The following ZSCAN5A variants were observed in gnomAD, a reference collection of about 807,000 sequenced individuals.
ZSCAN5A encodes zinc finger and SCAN domain containing 5A, also known as zinc finger and SCAN domain-containing protein 5A.
A neutral mutation model predicts 23.7 loss-of-function variants in ZSCAN5A; 12 were observed. The ratio of observed to expected loss-of-function variants is 0.51; its 90% CI spans 0.32 to 0.82. The LOEUF (loss-of-function observed/expected upper bound fraction) is 0.82. Among genes scored for constraint, ZSCAN5A ranks in the 40% least tolerant of loss-of-function variants. The pLI, the probability that ZSCAN5A is intolerant of heterozygous loss-of-function variation, is 0.03. For synonymous variants in ZSCAN5A, 257 were observed against 239.9 expected, an observed-to-expected ratio of 1.07 and a Z score of -0.66; for missense variants, 597 against 617.9, an observed-to-expected ratio of 0.97 and a Z score of 0.36.
intron 2 of ZSCAN5A, among the ~76,000 whole-genome samples, chr19:56,332,672 A>G (rs902502020): frequency 2.0e-5 from 3 of 152,174 alleles, no homozygotes; most frequent in African/African-American, 7.2e-5. Flanking sequence ...GTTAATAGTG[A>G]TATGTGAGGT....
intron 2 of ZSCAN5A, among the ~76,000 whole-genome samples, chr19:56,361,124 C>G (rs751621367): frequency 1.3e-5 from 2 of 152,070 alleles, no homozygotes; most frequent in Admixed American, 6.6e-5. Context: ...CCAATGATCA[C>G]TGGAGAAATG....
rs549348111 is a variant in ZSCAN5A at position 56,279,494 on chromosome 19, T to C, written c.-128+33789A>G. On this transcript the variant is annotated intron_variant, in intron 2 of 5. Transcript: ENST00000683990. The stretch of plus-strand genomic sequence containing the variant: ...TGAAAGGAGATAAAAGGATCCAATA[T>C]TAATTAAGCATTTAGCATGTACTGA... Among the ~76,000 whole-genome samples the C allele has an allele frequency of 8.5e-5, 13 of 152,312 alleles. No individual in the cohort carries two copies. The South Asian group carries it at 2.5e-3, about 29-fold the overall frequency.
intron 2 of ZSCAN5A, among the ~76,000 whole-genome samples, chr19:56,311,462 T>C (rs2147373762): frequency 6.6e-6 from 1 of 152,280 alleles, no homozygotes; most frequent in Non-Finnish European, 1.5e-5. Flanking sequence ...TAGCTCTGGG[T>C]AGTCACACAA....
At position 56,296,587 on chromosome 19, in the gene ZSCAN5A, C is replaced by T. The variant is rs1266218526; in HGVS notation, c.-128+16696G>A. The stretch of plus-strand genomic sequence containing the variant: ...GTTATTCTAGGTGTTAGAGATGCAG[C>T]AGAGGATAAAACAGACAGAAGTCTG... On this transcript the variant is annotated intron_variant, in intron 2 of 5. Transcript: ENST00000683990. Among the ~76,000 whole-genome samples, 4 of 152,022 alleles carry T rather than the reference C, an allele frequency of 2.6e-5. No homozygotes were observed. The East Asian group carries it at 7.7e-4, about 29-fold the overall frequency.
chr19:56,318,678 A>G (rs996076696), upstream of ZSCAN5A, among the ~76,000 whole-genome samples: 19 of 152,292 alleles, frequency 1.2e-4, no homozygotes, highest in South Asian at 1.9e-3. Flanking sequence ...AATAAAATCA[A>G]TGATAACACC....
At chr19:56,232,855 A>G (rs978336223) in intron 2 of ZSCAN5A, among the ~76,000 whole-genome samples, 3 of 151,622 alleles carry the variant, frequency 2.0e-5, no homozygotes, top group African/African-American at 7.3e-5. Flanking sequence ...ATTGTTTTGT[A>G]TGTTTTTGTA....
At chr19:56,292,816 C>T (rs1224771743) in intron 2 of ZSCAN5A, among the ~76,000 whole-genome samples, 2 of 152,196 alleles carry the variant, frequency 1.3e-5, no homozygotes, top group African/African-American at 4.8e-5. Flanking sequence ...GAATCGTACA[C>T]GATGTGGTCT....
At chr19:56,357,311 G>GC (rs2041705786) in intron 2 of ZSCAN5A, among the ~76,000 whole-genome samples, 1 of 148,390 alleles carries the variant, frequency 6.7e-6, no homozygotes, top group Non-Finnish European at 1.5e-5. Context: ...GCGAAGCCCA[G>GC]CCCTCAGCCA....
At chr19:56,323,728 G>A (rs1306871896) in intron 2 of ZSCAN5A, among the ~76,000 whole-genome samples, 1 of 151,554 alleles carries the variant, frequency 6.6e-6, no homozygotes, top group African/African-American at 2.4e-5. Context: ...TAGAGATGGG[G>A]TTTCTCCATG....
chr19:56,330,410 C>T (rs2041478724), intron 2 of ZSCAN5A, among the ~76,000 whole-genome samples: 1 of 152,220 alleles, frequency 6.6e-6, no homozygotes, highest in African/African-American at 2.4e-5. Context: ...AATCTCCAAA[C>T]TGCTTTTCAT....
chr19:56,353,276 G>A (rs2041678996), intron 2 of ZSCAN5A, among the ~76,000 whole-genome samples: 2 of 152,186 alleles, frequency 1.3e-5, no homozygotes, highest in South Asian at 4.1e-4. Context: ...ACTAGAGAAA[G>A]AATATGAAAG....
At chr19:56,355,864 A>G (rs2041697829) in intron 2 of ZSCAN5A, among the ~76,000 whole-genome samples, 2 of 148,636 alleles carry the variant, frequency 1.3e-5, no homozygotes, top group South Asian at 4.3e-4. Context: ...GAAGAAGGTA[A>G]TGATTATGAT....
chr19:56,250,093 T>C (rs1255367871), intron 2 of ZSCAN5A, among the ~76,000 whole-genome samples: 1 of 152,144 alleles, frequency 6.6e-6, no homozygotes, highest in Non-Finnish European at 1.5e-5. Context: ...CATAGAGTAA[T>C]TCATTGCAAA....
chr19:56,348,098 C>G (rs1023286764), intron 2 of ZSCAN5A: 1 of 152,230 alleles, frequency 6.6e-6, no homozygotes, highest in African/African-American at 2.4e-5. Context: ...CACAGACGGT[C>G]CAGCAGGACT....
intron 2 of ZSCAN5A, among the ~76,000 whole-genome samples, chr19:56,357,315 T>C (rs1040837114): frequency 1.3e-5 from 2 of 148,656 alleles, no homozygotes; most frequent in African/African-American, 2.5e-5. Flanking sequence ...AGCCCAGCCC[T>C]CAGCCATAAG....
chr19:56,319,882 T>A, intron 2 of ZSCAN5A: 2 of 860,566 alleles, frequency 2.3e-6, no homozygotes, highest in Admixed American at 1.7e-5. Context: ...CCCTTCCTTT[T>A]TGAATAGCAC....
chr19:56,310,405 C>T (rs953537883), intron 2 of ZSCAN5A: 2 of 152,240 alleles, frequency 1.3e-5, no homozygotes, highest in African/African-American at 4.8e-5. Flanking sequence ...AGATCGTTCT[C>T]GAACTTTCCC....
At chr19:56,278,427 C>T (rs1217584015) in intron 2 of ZSCAN5A, among the ~76,000 whole-genome samples, 1 of 152,154 alleles carries the variant, frequency 6.6e-6, no homozygotes. Context: ...AGCCGCCCCG[C>T]CCAGCCACAA....
intron 2 of ZSCAN5A, among the ~76,000 whole-genome samples, chr19:56,232,924 C>T (rs2034589233): frequency 6.6e-6 from 1 of 152,128 alleles, no homozygotes; most frequent in Non-Finnish European, 1.5e-5. Context: ...CCAAGCAATC[C>T]ACCAGCCTCA....
Sources: gnomAD v4.1 joint callset for allele counts (sites outside exome capture counted in the v4.1 genomes callset) on GRCh38, gnomAD v4.1.1 for gene constraint, MANE v1.5 for transcripts, NCBI Gene and HGNC (gene_info 2026-07-23, HGNC 2026-07-21) for gene names.